Variants in GLIS3 observed in about 807,000 individuals in gnomAD.
GLIS3 encodes GLIS family zinc finger 3.
GLIS3 carries 53 observed loss-of-function variants against 78.6 expected under a neutral mutation model. The observed-to-expected ratio is 0.67, with a 90% confidence interval of 0.54 to 0.85. GLIS3 has a LOEUF of 0.85. Ranked by LOEUF, GLIS3 falls within the 40% of genes least tolerant of loss-of-function variation. The pLI is 0.00. For synonymous variants in GLIS3, 684 were observed against 509.9 expected, an observed-to-expected ratio of 1.34 and a Z score of -4.60; for missense variants, 1,703 against 1,231.1, an observed-to-expected ratio of 1.38 and a Z score of -5.74.
rs146912365 is a variant in GLIS3, at chr9:3,984,450, G to C, written c.1711-47261C>G. ...CCCCGCTGGATTTGGGAATTGCATG[G>C]GCCCTGTAGCCCCTTTGTTTCGGCC... On this transcript the variant is annotated intron_variant, in intron 4 of 10. Transcript: ENST00000381971. Among the ~76,000 whole-genome samples the C allele has an allele frequency of 4.4e-3, 666 of 152,312 alleles. 1 individual carries two copies. Among genetic ancestry groups the C allele is most frequent in the Non-Finnish European group, 7.3e-3 (498 of 68,026 alleles).
the GLIS3 span, among the ~76,000 whole-genome samples, chr9:4,460,667 T>C: frequency 1.3e-5 from 2 of 150,280 alleles, no homozygotes; most frequent in Admixed American, 1.3e-4. Flanking sequence ...AGTAGTAATG[T>C]AAGGCTCCAA....
At chr9:4,317,423 C>T (rs1817454800) in intron 2 of GLIS3, among the ~76,000 whole-genome samples, 1 of 152,176 alleles carries the variant, frequency 6.6e-6, no homozygotes, top group Non-Finnish European at 1.5e-5. Context: ...TTCTTGCAGC[C>T]ACACTTGAGA....
chr9:3,990,652 C>G (rs577533062), intron 4 of GLIS3, among the ~76,000 whole-genome samples: 1 of 152,124 alleles, frequency 6.6e-6, no homozygotes, highest in Non-Finnish European at 1.5e-5. Flanking sequence ...CCAAAATAGC[C>G]CTTGCCTTCT....
the GLIS3 span, among the ~76,000 whole-genome samples, chr9:4,409,205 A>G: frequency 6.6e-6 from 1 of 152,154 alleles, no homozygotes; most frequent in South Asian, 2.1e-4. Flanking sequence ...ATTCTTTTGG[A>G]GTCTGTTGTT....
At chr9:3,934,461 G>T (rs926885074) in intron 5 of GLIS3, among the ~76,000 whole-genome samples, 1 of 149,890 alleles carries the variant, frequency 6.7e-6, no homozygotes, top group African/African-American at 2.5e-5. Context: ...CCAGGCTGGA[G>T]TGCAATGGCA....
chr9:4,079,591 G>C (rs111728474), intron 4 of GLIS3, among the ~76,000 whole-genome samples: 139 of 152,286 alleles, frequency 9.1e-4, no homozygotes, highest in African/African-American at 3.2e-3. Flanking sequence ...TGCCGTTAAA[G>C]TCACAACCAG....
intron 4 of GLIS3, among the ~76,000 whole-genome samples, chr9:4,020,811 G>C (rs1470645676): frequency 1.3e-5 from 2 of 152,210 alleles, no homozygotes; most frequent in African/African-American, 4.8e-5. Flanking sequence ...ATGGAGGACT[G>C]TGTTTCAAAT....
chr9:4,314,454 A>G (rs776063518), intron 2 of GLIS3, among the ~76,000 whole-genome samples: 2 of 152,242 alleles, frequency 1.3e-5, no homozygotes, highest in African/African-American at 4.8e-5. Flanking sequence ...GTGCATATAC[A>G]ATGAAGTCAA....
rs1292240186 is a variant in GLIS3 at position 4,265,548 on chromosome 9, A to G, written c.388+20490T>C. 2.6e-5 allele frequency among the ~76,000 whole-genome samples: 4 copies of G among 152,140 alleles called. No homozygotes were observed. The East Asian group carries it at 7.7e-4, about 29-fold the overall frequency. ...TCATTTCCAGAAAGTGGGATGATCA[A>G]GCTAGAATTACCTCTAATGCTTCCA... On this transcript the variant is annotated intron_variant, in intron 2 of 10. Transcript: ENST00000381971.
At chr9:4,300,501 G>A (rs4741939), upstream of GLIS3, among the ~76,000 whole-genome samples, 118,136 of 151,964 alleles carry the variant, frequency 0.78, 48,907 homozygotes, top group South Asian at 0.94. Flanking sequence ...GCACATGACA[G>A]CTTCGAAACT....
intron 1 of GLIS3, among the ~76,000 whole-genome samples, chr9:4,296,787 A>G (rs1320554003): frequency 2.0e-5 from 3 of 151,930 alleles, no homozygotes; most frequent in African/African-American, 7.3e-5. Context: ...TGTCCCCTAC[A>G]CTTCCTTTCA....
chr9:4,228,061 G>A (rs895374549), intron 2 of GLIS3, among the ~76,000 whole-genome samples: 1 of 152,050 alleles, frequency 6.6e-6, no homozygotes, highest in Non-Finnish European at 1.5e-5. Flanking sequence ...ATACTTATAA[G>A]AACAAAAGGG....
chr9:4,447,406 T>C, the GLIS3 span, among the ~76,000 whole-genome samples: 1 of 152,088 alleles, frequency 6.6e-6, no homozygotes, highest in Non-Finnish European at 1.5e-5. Flanking sequence ...TCAAATCTTA[T>C]TTCTACCAGG....
the GLIS3 span, among the ~76,000 whole-genome samples, chr9:4,462,296 A>T: frequency 5.3e-5 from 8 of 152,308 alleles, no homozygotes; most frequent in Middle Eastern, 6.8e-3. Context: ...GTGTGTAGAA[A>T]TTCTTATAGC....
chr9:4,446,021 C>T, the GLIS3 span, among the ~76,000 whole-genome samples: 1 of 152,000 alleles, frequency 6.6e-6, no homozygotes, highest in Non-Finnish European at 1.5e-5. Context: ...ATGAAATCTC[C>T]CAATTTTTAA....
intron 2 of GLIS3, among the ~76,000 whole-genome samples, chr9:4,275,603 T>TA (rs535182029): frequency 0.31 from 42,662 of 139,234 alleles, 6,196 homozygotes; most frequent in Admixed American, 0.32. Flanking sequence ...CTACAAAAAT[T>TA]AAAAAAAAAA....
chr9:4,217,267 A>G (rs945345730), intron 2 of GLIS3, among the ~76,000 whole-genome samples: 3 of 152,200 alleles, frequency 2.0e-5, no homozygotes, highest in Non-Finnish European at 4.4e-5. Flanking sequence ...GCACTCATTC[A>G]TTCAGCTCAG....
rs925354981 is a variant in GLIS3, at chr9:4,326,730, C to T, written n.265-16202G>A. ...ATATTTTATCACAATAAAAATGGAACCTACAGCAACAGCAAGGACAAAAAA... is the reference window on the plus strand; with the variant it reads ...ATATTTTATCACAATAAAAATGGAATCTACAGCAACAGCAAGGACAAAAAA... On this transcript the variant is annotated intron_variant and non_coding_transcript_variant, in intron 2 of 4. Coordinates refer to the GLIS3 transcript ENST00000471664. Among the ~76,000 whole-genome samples, 7 of 152,062 alleles carry T rather than the reference C, an allele frequency of 4.6e-5. No homozygotes were observed. In the South Asian group the frequency reaches 1.2e-3, roughly 27 times the overall value.
At chr9:4,278,165 G>A (rs776931971) in intron 2 of GLIS3, among the ~76,000 whole-genome samples, 4 of 152,192 alleles carry the variant, frequency 2.6e-5, no homozygotes, top group African/African-American at 4.8e-5. Flanking sequence ...ATAGTGTGAC[G>A]AAGAACTCAG....
Sources: gnomAD v4.1 joint callset for allele counts (sites outside exome capture counted in the v4.1 genomes callset) on GRCh38, gnomAD v4.1.1 for gene constraint, MANE v1.5 for transcripts, NCBI Gene and HGNC (gene_info 2026-07-23, HGNC 2026-07-21) for gene names.